ASB18: variants seen among roughly 807,000 people sequenced by gnomAD.
ASB18 encodes ankyrin repeat and SOCS box containing 18, also known as ankyrin repeat and SOCS box protein 18.
In ASB18, 33 loss-of-function variants were observed where a neutral mutation model predicts 33.4. The observed-to-expected ratio is 0.99, with a 90% CI of 0.75 to 1.32. The LOEUF (loss-of-function observed/expected upper bound fraction) is 1.32, where lower values mean the gene tolerates loss of function less well. Ranked by LOEUF, ASB18 falls within the 40% of genes most tolerant of loss-of-function variation. ASB18 has a pLI of 0.00. For synonymous variants in ASB18, 295 were observed against 307.6 expected (o/e 0.96, Z 0.43); for missense variants, 694 against 655.5 (o/e 1.06, Z -0.64).
At chr2:236,258,869 C>T (rs979147574) in intron 1 of ASB18, among the ~76,000 whole-genome samples, 3 of 152,176 alleles carry the variant, frequency 2.0e-5, no homozygotes, top group Non-Finnish European at 2.9e-5. Flanking sequence ...CATAATGCCT[C>T]TATTTTTCTA....
Position 236,219,777 on chromosome 2 carries a change from T to C in ASB18, c.597-4911A>G, listed in dbSNP as rs773469410. Among the ~76,000 whole-genome samples, 4 of 152,192 alleles carry C rather than the reference T, an allele frequency of 2.6e-5. No homozygotes were observed. Reference sequence around the variant, plus strand: ...GGGACCCAGCCTTGGCTGAGCCTTTTACTCCAAGGCAAGATTTTGTGAGTG... The same window carrying C: ...GGGACCCAGCCTTGGCTGAGCCTTTCACTCCAAGGCAAGATTTTGTGAGTG... On this transcript the variant is annotated intron_variant, in intron 3 of 5. Transcript: ENST00000409749. This position sits in a 1 kb window ranked among gnomAD's most constrained non-coding sequence, Gnocchi z 6.4.
In ASB18 at chr2:236,200,145, G is replaced by A. The variant is rs141774975; in HGVS notation, c.1102-3760C>T. 0.033 allele frequency among the ~76,000 whole-genome samples: 5,088 copies of A among 152,100 alleles called. 210 individuals carry two copies. Among genetic ancestry groups the A allele is most frequent in the African/African-American group, 0.1 (4,151 of 41,472 alleles). ...GTGGATCACCTGAGGTCAGGAGTTC[G>A]ATACTAGCCTGGCCAACATGGTGAA... On this transcript the variant is annotated intron_variant, in intron 4 of 5. Coordinates refer to ENST00000409749, the MANE Select transcript of ASB18 (RefSeq NM_212556.4). This position sits in a 1 kb window ranked among gnomAD's most constrained non-coding sequence, Gnocchi z 4.2.
In ASB18 at chr2:236,260,586, C is replaced by A. The variant is rs1218483565; in HGVS notation, c.205+3555G>T. ...CTCCCACAGGAAAAAGGAACCTATG[C>A]CCATTTTAGGCTGCGACAGTGAGTC... On this transcript the variant is annotated intron_variant, in intron 1 of 5. Transcript: ENST00000409749. This position sits in a 1 kb window ranked among gnomAD's most constrained non-coding sequence, Gnocchi z 5.1. Among the ~76,000 whole-genome samples, 1 of 152,182 alleles carries A rather than the reference C, an allele frequency of 6.6e-6. No individual in the cohort carries two copies. Among genetic ancestry groups the A allele is most frequent in the Non-Finnish European group, 1.5e-5 (1 of 68,034 alleles).
In ASB18 at chr2:236,239,155, T is replaced by G. The variant is rs2060609920; in HGVS notation, c.329-1199A>C. Reference sequence around the variant, plus strand: ...GGTGATGGATGTAGTCTATCTACATTGTTATCCCCGTGATAACAATAACCT... The same window carrying G: ...GGTGATGGATGTAGTCTATCTACATGGTTATCCCCGTGATAACAATAACCT... On this transcript the variant is annotated intron_variant, in intron 2 of 5. Coordinates refer to ENST00000409749, the MANE Select transcript of ASB18 (RefSeq NM_212556.4). The surrounding 1 kb of genome is among the most constrained non-coding windows in gnomAD (Gnocchi z 5.6). Among the ~76,000 whole-genome samples, 1 of 152,206 alleles carries G rather than the reference T, an allele frequency of 6.6e-6. No individual in the cohort carries two copies. Among genetic ancestry groups the G allele is most frequent in the Admixed American group, 6.5e-5 (1 of 15,280 alleles).
intron 4 of ASB18, among the ~76,000 whole-genome samples, chr2:236,202,011 G>A (rs1968708): frequency 0.17 from 26,029 of 151,390 alleles, 2,247 homozygotes; most frequent in South Asian, 0.25. Flanking sequence ...GTGCAATCAC[G>A]AGATCTTGGC....
rs1576400499 is a variant in ASB18, at chr2:236,219,899, G to A, written c.597-5033C>T. The stretch of plus-strand genomic sequence containing the variant: ...GGATCTAAGGGTAGAATTCCCATCT[G>A]AGGATGTCAGAACAACTTTGTCTTT... On this transcript the variant is annotated intron_variant, in intron 3 of 5. Coordinates refer to ENST00000409749, the MANE Select transcript of ASB18 (RefSeq NM_212556.4). This position sits in a 1 kb window ranked among gnomAD's most constrained non-coding sequence, Gnocchi z 6.4. Among the ~76,000 whole-genome samples, 1 of 152,188 alleles carries A rather than the reference G, an allele frequency of 6.6e-6. No individual in the cohort carries two copies. Among genetic ancestry groups the A allele is most frequent in the South Asian group, 2.1e-4 (1 of 4,822 alleles).
rs2060581392 is a variant in ASB18 at position 236,234,792 on chromosome 2, C to T, written c.596+2897G>A. On this transcript the variant is annotated intron_variant, in intron 3 of 5. Transcript: ENST00000409749. The surrounding 1 kb of genome is among the most constrained non-coding windows in gnomAD (Gnocchi z 4.1). The stretch of plus-strand genomic sequence containing the variant: ...CTCACATCATATTCAGAAATGAACT[C>T]AAAATGGATCACAGACTTAAATGTA... Among the ~76,000 whole-genome samples, 1 of 152,086 alleles carries T rather than the reference C, an allele frequency of 6.6e-6. No homozygotes were observed. The highest frequency in any genetic ancestry group is 6.6e-5 in the Admixed American group (1 of 15,266).
Position 236,205,231 on chromosome 2 carries a change from C to T in ASB18, c.1102-8846G>A, listed in dbSNP as rs559838346. 1.3e-5 allele frequency among the ~76,000 whole-genome samples: 2 copies of T among 152,346 alleles called. No individual in the cohort carries two copies. Among genetic ancestry groups the T allele is most frequent in the East Asian group, 3.9e-4 (2 of 5,184 alleles). ...AGACCCCACACAACCTGTGCCCTCT[C>T]CCTTACCACCCCTAATCTCATCTCC... On this transcript the variant is annotated intron_variant, in intron 4 of 5. Coordinates refer to ENST00000409749, the MANE Select transcript of ASB18 (RefSeq NM_212556.4). This position sits in a 1 kb window ranked among gnomAD's most constrained non-coding sequence, Gnocchi z 5.4.
rs1229126866 is a variant in ASB18 at position 236,238,932 on chromosome 2, A to G, written c.329-976T>C. ...AGCAGCCTTGAAAGTCCATTCATTAATTACCTACCCGCATGTGGTGCCGAG... is the reference window on the plus strand; with the variant it reads ...AGCAGCCTTGAAAGTCCATTCATTAGTTACCTACCCGCATGTGGTGCCGAG... On this transcript the variant is annotated intron_variant, in intron 2 of 5. Transcript: ENST00000409749. The surrounding 1 kb of genome is among the most constrained non-coding windows in gnomAD (Gnocchi z 5.2). 1.3e-5 allele frequency among the ~76,000 whole-genome samples: 2 copies of G among 152,124 alleles called. No homozygotes were observed. Among genetic ancestry groups the G allele is most frequent in the Admixed American group, 1.3e-4 (2 of 15,272 alleles).
intron 1 of ASB18, among the ~76,000 whole-genome samples, chr2:236,254,760 C>T (rs895752755): frequency 2.6e-5 from 4 of 152,096 alleles, no homozygotes; most frequent in African/African-American, 9.7e-5. Flanking sequence ...AAGACCAGCC[C>T]TAGCTTCAAG....
Position 236,253,233 on chromosome 2 carries a change from C to T in ASB18, c.205+10908G>A, listed in dbSNP as rs2060675681. On this transcript the variant is annotated intron_variant, in intron 1 of 5. Transcript: ENST00000409749. This position sits in a 1 kb window ranked among gnomAD's most constrained non-coding sequence, Gnocchi z 5.4. ...GCAGAAGAGGCAGATGTGCAAACGC[C>T]AGGAAGGGACTGCGGACTGAGGTGT... Among the ~76,000 whole-genome samples the T allele has an allele frequency of 6.6e-6, 1 of 152,166 alleles. No homozygotes were observed. Among genetic ancestry groups the T allele is most frequent in the African/African-American group, 2.4e-5 (1 of 41,438 alleles).
Position 236,239,762 on chromosome 2 carries a change from C to T in ASB18, c.328+1518G>A, listed in dbSNP as rs183706424. ...CACCAGGGGAGCTGGAATTGGCCAC[C>T]GGGAAGTCTTTTCATGGGAGAGCAC... On this transcript the variant is annotated intron_variant, in intron 2 of 5. Coordinates refer to ENST00000409749, the MANE Select transcript of ASB18 (RefSeq NM_212556.4). This position sits in a 1 kb window ranked among gnomAD's most constrained non-coding sequence, Gnocchi z 5.6. 8.5e-5 allele frequency among the ~76,000 whole-genome samples: 13 copies of T among 152,290 alleles called. No individual in the cohort carries two copies. The highest frequency in any genetic ancestry group is 2.6e-4 in the African/African-American group (11 of 41,564).
At position 236,231,938 on chromosome 2, in the gene ASB18, A is replaced by C. The variant is rs893686445; in HGVS notation, c.596+5751T>G. Among the ~76,000 whole-genome samples the C allele has an allele frequency of 7.2e-5, 11 of 152,236 alleles. No homozygotes were observed. The highest frequency in any genetic ancestry group is 2.7e-4 in the African/African-American group (11 of 41,464). On this transcript the variant is annotated intron_variant, in intron 3 of 5. Transcript: ENST00000409749. This position sits in a 1 kb window ranked among gnomAD's most constrained non-coding sequence, Gnocchi z 5.5. ...AGAGTTTGACACTCTTCTTTCAATA[A>C]CTTGTAAAACAAGTCCAATGAAAAT...
intron 4 of ASB18, among the ~76,000 whole-genome samples, chr2:236,198,250 ATG>A (rs1203780722): frequency 5.3e-5 from 8 of 152,192 alleles, no homozygotes; most frequent in African/African-American, 1.9e-4. Flanking sequence ...CTAATGTTTT[ATG>A]TGTTTAGACA....
Position 236,196,032 on chromosome 2 carries a change from AGCACG to A in ASB18, c.1215+235_1215+239del. ...AAGGAACCCTCGCGCTTTTCAGGCC[AGCACG>A]GGGCTCTGAGCTCCTTGAGGCCATG... On this transcript the variant is annotated intron_variant, in intron 5 of 5. Transcript: ENST00000409749. The surrounding 1 kb of genome is among the most constrained non-coding windows in gnomAD (Gnocchi z 5.6). 1.9e-6 allele frequency: 1 copy of A among 532,664 alleles called. No homozygotes were observed. The highest frequency in any genetic ancestry group is 3.5e-6 in the Non-Finnish European group (1 of 288,792). 33.0% of individuals were successfully genotyped at this position (532,664 alleles called of 1,614,324 possible).
Position 236,226,935 on chromosome 2 carries a change from A to G in ASB18, c.596+10754T>C, listed in dbSNP as rs2060542861. Among the ~76,000 whole-genome samples, 1 of 152,190 alleles carries G rather than the reference A, an allele frequency of 6.6e-6. No individual in the cohort carries two copies. The highest frequency in any genetic ancestry group is 1.5e-5 in the Non-Finnish European group (1 of 68,044). ...CAGCTTCCCCTAAAGTTAATATCTA[A>G]TATTATTATGGTATATTTGTCAAAA... On this transcript the variant is annotated intron_variant, in intron 3 of 5. Coordinates refer to ENST00000409749, the MANE Select transcript of ASB18 (RefSeq NM_212556.4). This position sits in a 1 kb window ranked among gnomAD's most constrained non-coding sequence, Gnocchi z 4.8.
rs113672805 is a variant in ASB18 at position 236,252,267 on chromosome 2, T to TCACACACACACACACACA, written c.206-10883_206-10866dup. The stretch of plus-strand genomic sequence containing the variant: ...GCCTTGGCAACAGAGTGAGACTCCG[T>TCACACACACACACACACA]CACACACACACACACACACACACAC... On this transcript the variant is annotated intron_variant, in intron 1 of 5. Coordinates refer to ENST00000409749, the MANE Select transcript of ASB18 (RefSeq NM_212556.4). The surrounding 1 kb of genome is among the most constrained non-coding windows in gnomAD (Gnocchi z 7.9). 2.2e-4 allele frequency among the ~76,000 whole-genome samples: 31 copies of TCACACACACACACACACA among 138,580 alleles called. No homozygotes were observed. Among genetic ancestry groups the TCACACACACACACACACA allele is most frequent in the East Asian group, 4.5e-4 (2 of 4,396 alleles). 90.9% of individuals were successfully genotyped at this position (138,580 alleles called of 152,430 possible).
chr2:236,210,918 C>T (rs2060456236), intron 4 of ASB18, among the ~76,000 whole-genome samples: 1 of 152,208 alleles, frequency 6.6e-6, no homozygotes, highest in South Asian at 2.1e-4. Context: ...TTTGATGCTC[C>T]ATCATTTTCT....
In ASB18 at chr2:236,241,552, A is replaced by T; in HGVS notation, c.206-150T>A. On this transcript the variant is annotated intron_variant, in intron 1 of 5. Transcript: ENST00000409749. This position sits in a 1 kb window ranked among gnomAD's most constrained non-coding sequence, Gnocchi z 4.2. ...GCCGTCGATTTCAGAAGAGTTCTTC[A>T]GGAACGGGAAAGATGGTCTTATGGA... The T allele has an allele frequency of 1.1e-6, 1 of 870,620 alleles. No individual in the cohort carries two copies. Among genetic ancestry groups the T allele is most frequent in the Non-Finnish European group, 1.9e-6 (1 of 535,494 alleles). 53.9% of individuals were successfully genotyped at this position (870,620 alleles called of 1,614,324 possible).
Sources: allele counts gnomAD v4.1 joint callset (sites outside exome capture counted in the v4.1 genomes callset), GRCh38; gene constraint gnomAD v4.1.1; non-coding constraint Gnocchi (gnomAD v3.1); transcripts MANE v1.5; gene names NCBI Gene and HGNC (gene_info 2026-07-23, HGNC 2026-07-21).